SP110: variants seen among roughly 807,000 people sequenced by gnomAD.
SP110 encodes SP110 nuclear body protein.
Under a neutral mutation model 92.7 loss-of-function variants are expected in SP110, and 62 were observed. The observed-to-expected ratio is 0.67, with a 90% confidence interval of 0.55 to 0.83. SP110 has a LOEUF of 0.83. Ranked by LOEUF, SP110 falls within the 40% of genes least tolerant of loss-of-function variation. The pLI is 0.00. For synonymous variants in SP110, 273 were observed against 305.3 expected, an observed-to-expected ratio of 0.89 and a Z score of 1.10; for missense variants, 793 against 863.9, an observed-to-expected ratio of 0.92 and a Z score of 1.03.
intron 1 of SP110, among the ~76,000 whole-genome samples, chr2:230,217,597 G>A (rs140416538): frequency 7.5e-4 from 115 of 152,322 alleles, no homozygotes; most frequent in African/African-American, 2.7e-3. Context: ...AAACCCTTGC[G>A]AGGTGGTTCC....
rs950746505 is a variant in SP110 at position 230,177,545 on chromosome 2, A to G, written c.1583T>C (p.Leu528Pro). ...GTCCCGTCATTATAATACCTTCAGC[A>G]GCTCTCCTAGGGTCATTCCTTCACA... is the stretch of plus-strand genomic sequence containing the variant. ...IRCEGMTLGE[L>P]LKRKNSDECE... The change falls in exon 14 of 19, where the codon CTG becomes CCG. Residue 528 changes from leucine to proline, a missense_variant. Coordinates refer to ENST00000258381, the MANE Select transcript of SP110 (RefSeq NM_080424.4). 17 of 1,614,104 alleles carry G rather than the reference A, an allele frequency of 1.1e-5. No individual in the cohort carries two copies. Among genetic ancestry groups the G allele is most frequent in the Non-Finnish European group, 1.4e-5 (16 of 1,179,942 alleles).
rs971336409 is a variant in SP110, at chr2:230,186,001, T to C, written c.1272A>G (p.Arg424=). The change falls in exon 11 of 19, where the codon AGA becomes AGG. Residue 424 remains arginine (R), a synonymous_variant. Transcript: ENST00000258381. ...TTCCATCATTAGCCTTACCTTTCAA[T>C]CTGGACTTTCGGGCACATTTAGTTC... ...KARTKCARKS[R]LKEKKKEKDI... 35 of 1,613,986 alleles carry C rather than the reference T, an allele frequency of 2.2e-5. No homozygotes were observed. Among genetic ancestry groups the C allele is most frequent in the Non-Finnish European group, 2.9e-5 (34 of 1,179,952 alleles).
chr2:230,207,861 C>T (rs1423372562), intron 8 of SP110, 130 bp downstream of exon 8: 5 of 667,836 alleles, frequency 7.5e-6, no homozygotes, highest in Non-Finnish European at 1.4e-5. Flanking sequence ...CATTGTGTCA[C>T]TTCACTGACT....
chr2:230,196,981 T>C (rs1179335600), intron 10 of SP110, among the ~76,000 whole-genome samples: 1 of 152,190 alleles, frequency 6.6e-6, no homozygotes, highest in African/African-American at 2.4e-5. Flanking sequence ...TTTGCTATTG[T>C]GAATAGTGCC....
At chr2:230,171,507 G>A in intron 17 of SP110, 189 bp downstream of exon 17, 1 of 639,674 alleles carries the variant, frequency 1.6e-6, no homozygotes, top group Non-Finnish European at 2.9e-6. Context: ...TGAGCAGTGG[G>A]GTGGAGTTTG....
At chr2:230,213,568 C>T in intron 3 of SP110, 1 of 158,636 alleles carries the variant, frequency 6.3e-6, no homozygotes, top group East Asian at 1.8e-4. Flanking sequence ...TCCACAATAC[C>T]CCAGACCCTT....
intron 10 of SP110, chr2:230,200,536 C>G (rs1427290): frequency 0.96 from 240,531 of 250,348 alleles, 115,639 homozygotes; most frequent in East Asian, 1. Context: ...GCTGCACTTT[C>G]GACAAGCTGT....
intron 10 of SP110, among the ~76,000 whole-genome samples, chr2:230,188,427 A>G (rs2042457032): frequency 6.6e-6 from 1 of 152,126 alleles, no homozygotes; most frequent in African/African-American, 2.4e-5. Context: ...TGATCATATA[A>G]TCAGGGAACA....
At chr2:230,207,843 T>A (rs2044038781) in intron 8 of SP110, 148 bp downstream of exon 8, 1 of 644,550 alleles carries the variant, frequency 1.6e-6, no homozygotes, top group African/African-American at 1.8e-5. Flanking sequence ...GTAGCAAAAT[T>A]GAGCTTACAT....
At chr2:230,204,416 A>G (rs925040786) in intron 8 of SP110, among the ~76,000 whole-genome samples, 3 of 152,158 alleles carry the variant, frequency 2.0e-5, no homozygotes, top group Non-Finnish European at 4.4e-5. Flanking sequence ...TGTCTGCCCT[A>G]AATATGGGAT....
rs1467139586 is a variant in SP110, at chr2:230,166,739, A to G, written c.*2385T>C. Among the ~76,000 whole-genome samples the G allele has an allele frequency of 6.6e-6, 1 of 152,204 alleles. No individual in the cohort carries two copies. The highest frequency in any genetic ancestry group is 1.5e-5 in the Non-Finnish European group (1 of 68,034). ...ATACTGTTGGAGAAGGGAGACACCA[A>G]TACAGAACCGAGGAAGACAAGGAAG... On this transcript the variant is annotated 3_prime_UTR_variant, in exon 19 of 19. Transcript: ENST00000258381.
chr2:230,185,544 G>A (rs1293107581), intron 11 of SP110, among the ~76,000 whole-genome samples: 1 of 152,070 alleles, frequency 6.6e-6, no homozygotes, highest in Non-Finnish European at 1.5e-5. Context: ...GACAATTTAG[G>A]CAATTTGACA....
At chr2:230,204,094 T>C (rs1242980414) in intron 8 of SP110, among the ~76,000 whole-genome samples, 1 of 152,204 alleles carries the variant, frequency 6.6e-6, no homozygotes, top group African/African-American at 2.4e-5. Context: ...ACGATTCTTT[T>C]AAAAAACCTG....
At chr2:230,212,011 T>C (rs1362635448) in intron 5 of SP110, among the ~76,000 whole-genome samples, 1 of 152,228 alleles carries the variant, frequency 6.6e-6, no homozygotes, top group African/African-American at 2.4e-5. Context: ...TATCATCTTT[T>C]CTAGTAATTT....
At chr2:230,193,677 TAAGACTCCAATCC>T (rs936254763) in intron 10 of SP110, among the ~76,000 whole-genome samples, 1 of 152,204 alleles carries the variant, frequency 6.6e-6, no homozygotes, top group African/African-American at 2.4e-5. Context: ...AGACTAAAGA[TAAGACTCCAATCC>T]CTTCCAGCTT....
At position 230,214,982 on chromosome 2, in the gene SP110, T is replaced by C. The variant is rs1574777837; in HGVS notation, c.284A>G (p.Asn95Ser). ...GAAGCTTCTGTAAATCGTCACCAGA[T>C]TGGGATATTCACGCAGGTTAATTTG... The part of the protein sequence containing the change: ...FSQINLREYP[N>S]LVTIYRSFKR... Residue 95 changes from asparagine (N) to serine (S), a missense_variant, in exon 3 of 19, where the codon AAT becomes AGT. Asn to Ser is a conservative substitution (Grantham distance 46). Coordinates refer to ENST00000258381, the MANE Select transcript of SP110 (RefSeq NM_080424.4). 5.0e-6 allele frequency: 8 copies of C among 1,614,004 alleles called. No individual in the cohort carries two copies. The highest frequency in any genetic ancestry group is 1.7e-4 in the Middle Eastern group (1 of 6,060).
intron 10 of SP110, among the ~76,000 whole-genome samples, chr2:230,190,796 C>T (rs1486181062): frequency 6.6e-6 from 1 of 152,128 alleles, no homozygotes; most frequent in Non-Finnish European, 1.5e-5. Flanking sequence ...TTTCCTGGCA[C>T]CATTTATTAA....
intron 14 of SP110, chr2:230,176,681 T>G: frequency 1.2e-6 from 2 of 1,613,824 alleles, no homozygotes; most frequent in Non-Finnish European, 1.7e-6. Context: ...GCTATTTAAC[T>G]CTCTCTTGAG....
At chr2:230,225,511 TTCC>T (rs1364654241) in intron 1 of SP110, 1 of 393,280 alleles carries the variant, frequency 2.5e-6, no homozygotes, top group African/African-American at 2.1e-5. Flanking sequence ...CAGAGTTTAC[TTCC>T]TCCTCATGAT....
Sources: allele counts gnomAD v4.1 joint callset (sites outside exome capture counted in the v4.1 genomes callset), GRCh38; gene constraint gnomAD v4.1.1; transcripts MANE v1.5; gene names NCBI Gene and HGNC (gene_info 2026-07-23, HGNC 2026-07-21).